LOXL3: variants seen among roughly 807,000 people sequenced by gnomAD.
LOXL3 encodes the protein lysyl oxidase homolog 3.
Under a neutral mutation model 91.8 loss-of-function variants are expected in LOXL3, and 60 were observed. The observed-to-expected ratio is 0.65, with a 90% CI of 0.53 to 0.81. The LOEUF is 0.81. Among genes scored for constraint, LOXL3 ranks in the 30% least tolerant of loss-of-function variants. The pLI is 0.00. For synonymous variants in LOXL3, 355 were observed against 387.6 expected (o/e 0.92, Z 0.99); for missense variants, 874 against 1,000.4 (o/e 0.87, Z 1.70).
Position 74,533,646 on chromosome 2 carries a change from A to T in LOXL3, c.2222T>A (p.Phe741Tyr), listed in dbSNP as rs374373616. The T allele has an allele frequency of 2.1e-4, 334 of 1,613,988 alleles. No homozygotes were observed. The highest frequency in any genetic ancestry group is 6.6e-4 in the Middle Eastern group (4 of 6,062). ...GCTGGTCTGGCCAGGGTAGCGTTCA[A>T]ACCTCCTGTTGGCCTCTTCACTGAA... ...DAFSEEANRR[F>Y]ERYPGQTSNQ... Residue 741 changes from phenylalanine (F) to tyrosine (Y), a missense_variant, in exon 14 of 14, where the codon TTT becomes TAT. By Grantham distance (22) the Phe-to-Tyr change is conservative. Coordinates refer to ENST00000264094, the MANE Select transcript of LOXL3 (RefSeq NM_032603.5).
rs745436772 is a variant in LOXL3 at position 74,552,317 on chromosome 2, C to T, written c.313+5G>A. Reference sequence around the variant, plus strand: ...TATCTAGGATATGCCTGGATCATTGCTCACCTGTTCCAGGGCCATATTTGG... The same window carrying T: ...TATCTAGGATATGCCTGGATCATTGTTCACCTGTTCCAGGGCCATATTTGG... On this transcript the variant is annotated splice_donor_5th_base_variant and intron_variant, in intron 2 of 13. Coordinates refer to ENST00000264094, the MANE Select transcript of LOXL3 (RefSeq NM_032603.5). 4 of 1,593,300 alleles carry T rather than the reference C, an allele frequency of 2.5e-6. No homozygotes were observed. Among genetic ancestry groups the T allele is most frequent in the South Asian group, 2.2e-5 (2 of 90,470 alleles).
At chr2:74,545,877 C>G (rs1283960616) in intron 4 of LOXL3, among the ~76,000 whole-genome samples, 1 of 152,138 alleles carries the variant, frequency 6.6e-6, no homozygotes, top group Non-Finnish European at 1.5e-5. Flanking sequence ...AACTGAACTC[C>G]AGAGTCCTAT....
upstream of LOXL3, chr2:74,553,943 CA>C (rs113018584): frequency 0.058 from 7,542 of 130,792 alleles, 479 homozygotes; most frequent in African/African-American, 0.17. Context: ...CTAGGACTTC[CA>C]AAAAAAAAAA....
At chr2:74,554,413 T>A, upstream of LOXL3, 1 of 311,838 alleles carries the variant, frequency 3.2e-6, no homozygotes, top group Non-Finnish European at 6.0e-6. The surrounding 1 kb of genome is among the most constrained non-coding windows in gnomAD (Gnocchi z 4.9). Context: ...GCTTTCGGGG[T>A]GATGTCATGG....
Position 74,535,625 on chromosome 2 carries a change from C to T in LOXL3, c.1379G>A (p.Arg460Lys). ...WGTLEAMVAC[R>K]QLGLGYANHG... is the part of the protein sequence containing the mutation. ...GTTGGCGTAGCCCAGACCCAGTTGC[C>T]TACAGGCCACCATGGCCTCCAGGGT... The change falls in exon 8 of 14, where the codon AGG (arginine) becomes AAG (lysine). Residue 460 changes from arginine to lysine, a missense_variant. Transcript: ENST00000264094. The surrounding 1 kb of genome is among the most constrained non-coding windows in gnomAD (Gnocchi z 4.2). 6.2e-7 allele frequency: 1 copy of T among 1,614,138 alleles called. No individual in the cohort carries two copies.
chr2:74,534,329 A>T lies in LOXL3; in HGVS notation c.1926T>A (p.Thr642=). ...GHKASFCLED[T]ECQEDVSKRY... ...TCCCCAACTCACCCTCCTGACACTC[A>T]GTGTCTTCGAGACAGAAACTAGCTT... Residue 642 remains threonine (T), a synonymous_variant, in exon 11 of 14, where the codon ACT becomes ACA. Coordinates refer to ENST00000264094, the MANE Select transcript of LOXL3 (RefSeq NM_032603.5). 6.2e-7 allele frequency: 1 copy of T among 1,614,192 alleles called. No homozygotes were observed. Among genetic ancestry groups the T allele is most frequent in the Non-Finnish European group, 8.5e-7 (1 of 1,180,002 alleles).
Position 74,536,620 on chromosome 2 carries a change from CA to C in LOXL3, c.912+88del. 1 of 1,498,674 alleles carries C rather than the reference CA, an allele frequency of 6.7e-7. No individual in the cohort carries two copies. Among genetic ancestry groups the C allele is most frequent in the Non-Finnish European group, 9.2e-7 (1 of 1,090,994 alleles). 92.8% of individuals were successfully genotyped at this position (1,498,674 alleles called of 1,614,324 possible). On this transcript the variant is annotated intron_variant, in intron 5 of 13. Coordinates refer to ENST00000264094, the MANE Select transcript of LOXL3 (RefSeq NM_032603.5). The surrounding 1 kb of genome is among the most constrained non-coding windows in gnomAD (Gnocchi z 4.5). ...CCCCTGGAAGGCTCCTCTCTGTCCT[CA>C]AAGGTCAGGGCTGTGCTTAGTCTGG...
intron 4 of LOXL3, among the ~76,000 whole-genome samples, chr2:74,543,738 C>T (rs908571650): frequency 1.3e-5 from 2 of 149,540 alleles, no homozygotes; most frequent in African/African-American, 2.5e-5. Context: ...TAAAAATACC[C>T]AAAAATCAGC....
intron 4 of LOXL3, among the ~76,000 whole-genome samples, chr2:74,539,241 A>G (rs1676184726): frequency 1.3e-5 from 2 of 152,092 alleles, no homozygotes; most frequent in African/African-American, 4.8e-5. Flanking sequence ...GTACAGGGTT[A>G]TTTTTCTGTT....
At chr2:74,552,757 G>A (rs1449501331) in intron 1 of LOXL3, 111 bp from the exon 2 acceptor site, 2 of 910,116 alleles carry the variant, frequency 2.2e-6, no homozygotes, top group Non-Finnish European at 3.2e-6. Context: ...GTAAGACAGA[G>A]ACAGCGAGAG....
In LOXL3 at chr2:74,536,060, T is replaced by C; in HGVS notation, c.1184A>G (p.Asp395Gly). 6.2e-7 allele frequency: 1 copy of C among 1,611,974 alleles called. No individual in the cohort carries two copies. The highest frequency in any genetic ancestry group is 8.5e-7 in the Non-Finnish European group (1 of 1,178,938). ...KCPHKNITAE[D>G]CSHSQDAGVR... ...CCCGGCATCCTGGCTATGTGAACAA[T>C]CCTCAGCTGTGATGTTCTTGTGGGG... The change falls in exon 7 of 14, where the codon GAT becomes GGT. Residue 395 changes from aspartate to glycine, a missense_variant. Transcript: ENST00000264094. The surrounding 1 kb of genome is among the most constrained non-coding windows in gnomAD (Gnocchi z 4.5).
chr2:74,555,024 A>G, upstream of LOXL3: 1 of 1,395,322 alleles, frequency 7.2e-7, no homozygotes, highest in African/African-American at 1.4e-5. The surrounding 1 kb of genome is among the most constrained non-coding windows in gnomAD (Gnocchi z 6.1). Context: ...CGTCCTTGGG[A>G]AACTTCGCCC....
rs1417953283 is a variant in LOXL3, at chr2:74,535,265, G to A, written c.1579+27C>T. 3 of 1,594,146 alleles carry A rather than the reference G, an allele frequency of 1.9e-6. No homozygotes were observed. The highest frequency in any genetic ancestry group is 2.6e-6 in the Non-Finnish European group (3 of 1,167,962). Reference sequence around the variant, plus strand: ...GGTGGCCCAGACACTCCCTTCCCTGGCATGCATCACCCCCTCCTTCACTCA... The same window carrying A: ...GGTGGCCCAGACACTCCCTTCCCTGACATGCATCACCCCCTCCTTCACTCA... On this transcript the variant is annotated intron_variant, in intron 9 of 13. Coordinates refer to ENST00000264094, the MANE Select transcript of LOXL3 (RefSeq NM_032603.5). The surrounding 1 kb of genome is among the most constrained non-coding windows in gnomAD (Gnocchi z 4.2).
intron 4 of LOXL3, among the ~76,000 whole-genome samples, chr2:74,546,240 C>G (rs1479339420): frequency 6.6e-6 from 1 of 152,136 alleles, no homozygotes; most frequent in Non-Finnish European, 1.5e-5. Context: ...AACCAGCCAC[C>G]TGACTTCTTG....
In LOXL3 at chr2:74,550,175, A is replaced by G. The variant is rs746043738; in HGVS notation, c.477+10T>C. On this transcript the variant is annotated intron_variant, in intron 3 of 13. Coordinates refer to ENST00000264094, the MANE Select transcript of LOXL3 (RefSeq NM_032603.5). Reference sequence around the variant, plus strand: ...GGTAGTGTGTGTGTGTATGTCTAGGAAATGCAGACCTCAATGACATTGGAG... The same window carrying G: ...GGTAGTGTGTGTGTGTATGTCTAGGGAATGCAGACCTCAATGACATTGGAG... The G allele has an allele frequency of 9.3e-6, 15 of 1,611,244 alleles. No homozygotes were observed. The South Asian group carries it at 1.7e-4, about 18-fold the overall frequency.
Position 74,534,827 on chromosome 2 carries a change from G to A in LOXL3, c.1580-53C>T, listed in dbSNP as rs1292295018. 3.3e-5 allele frequency: 53 copies of A among 1,584,872 alleles called. 3 individuals carry two copies. In the South Asian group the frequency reaches 5.2e-4, roughly 15 times the overall value. ...GAAGTCACTGCTGACTTCACAGAGA[G>A]GGGTGCTTCCATCCCTCCCTAGTGT... On this transcript the variant is annotated intron_variant, in intron 9 of 13. Transcript: ENST00000264094.
chr2:74,554,424 C>G, upstream of LOXL3: 1 of 383,034 alleles, frequency 2.6e-6, no homozygotes. This position sits in a 1 kb window ranked among gnomAD's most constrained non-coding sequence, Gnocchi z 4.9. Context: ...GATGTCATGG[C>G]TTTCACTCTG....
Position 74,549,980 on chromosome 2 carries a change from T to C in LOXL3, c.477+205A>G. The C allele has an allele frequency of 1.0e-6, 1 of 985,468 alleles. No individual in the cohort carries two copies. Among genetic ancestry groups the C allele is most frequent in the Non-Finnish European group, 1.2e-6 (1 of 829,926 alleles). The allele number at this position is 985,468 out of a possible 1,614,324, so 61.0% of individuals were successfully genotyped here. On this transcript the variant is annotated intron_variant, in intron 3 of 13. Transcript: ENST00000264094. This position sits in a 1 kb window ranked among gnomAD's most constrained non-coding sequence, Gnocchi z 5.3. ...CTAGGGATGAAGCTGGAGAGGCTCA[T>C]GCCAGGTTTAGCCCCTTGAATGTGA...
chr2:74,549,917 T>G lies in LOXL3; in HGVS notation c.477+268A>C, dbSNP rs1200478419. 1.0e-6 allele frequency: 1 copy of G among 985,194 alleles called. No individual in the cohort carries two copies. Among genetic ancestry groups the G allele is most frequent in the Non-Finnish European group, 1.2e-6 (1 of 829,898 alleles). The allele number at this position is 985,194 out of a possible 1,614,324, so 61.0% of individuals were successfully genotyped here. On this transcript the variant is annotated intron_variant, in intron 3 of 13. Transcript: ENST00000264094. The surrounding 1 kb of genome is among the most constrained non-coding windows in gnomAD (Gnocchi z 5.3). ...AAGATGTCTCAGGAAAGCAGGAACA[T>G]TTGAGGAGAAGGAGAGCACCAGGTG...
Sources: allele counts gnomAD v4.1 joint callset (sites outside exome capture counted in the v4.1 genomes callset), GRCh38; gene constraint gnomAD v4.1.1; non-coding constraint Gnocchi (gnomAD v3.1); transcripts MANE v1.5; gene names NCBI Gene and HGNC (gene_info 2026-07-23, HGNC 2026-07-21).